TMTC2: variants seen among roughly 807,000 people sequenced by gnomAD.
TMTC2 encodes protein O-mannosyl-transferase TMTC2.
TMTC2 carries 43 observed loss-of-function variants against 82.4 expected under a neutral mutation model. The ratio of observed to expected loss-of-function variants is 0.52; its 90% CI spans 0.41 to 0.67. The LOEUF is 0.67. Among genes scored for constraint, TMTC2 ranks in the 30% least tolerant of loss-of-function variants. TMTC2 has a pLI of 0.00. For missense variants in TMTC2, 919 were observed against 1,012.4 expected (o/e 0.91, Z 1.25); for synonymous variants, 408 against 381.9 (o/e 1.07, Z -0.80).
intron 9 of TMTC2, among the ~76,000 whole-genome samples, chr12:83,048,964 C>T (rs1422440618): frequency 6.6e-6 from 1 of 152,192 alleles, no homozygotes; most frequent in African/African-American, 2.4e-5. Flanking sequence ...CCACTGCGTC[C>T]AGCCAGCTAT....
At chr12:83,043,034 C>T (rs1040363896) in intron 9 of TMTC2, among the ~76,000 whole-genome samples, 1 of 152,156 alleles carries the variant, frequency 6.6e-6, no homozygotes, top group African/African-American at 2.4e-5. Context: ...CCAGCATTTA[C>T]TAACTTAGGC....
At chr12:82,692,478 T>C (rs186932302) in intron 1 of TMTC2, among the ~76,000 whole-genome samples, 2 of 152,326 alleles carry the variant, frequency 1.3e-5, no homozygotes, top group African/African-American at 2.4e-5. Flanking sequence ...ACAACTGTCT[T>C]TCGTAGGCTA....
chr12:83,104,975 T>G (rs1884347211), intron 11 of TMTC2, among the ~76,000 whole-genome samples: 1 of 152,192 alleles, frequency 6.6e-6, no homozygotes, highest in Admixed American at 6.5e-5. Flanking sequence ...GCTTGAACAC[T>G]TTACTGCTTA....
At chr12:83,067,615 A>G (rs776740115) in intron 11 of TMTC2, among the ~76,000 whole-genome samples, 1 of 152,142 alleles carries the variant, frequency 6.6e-6, no homozygotes, top group South Asian at 2.1e-4. Flanking sequence ...TTATCTGCTA[A>G]TCCTGTGGGG....
At chr12:82,969,372 A>G (rs1381659736) in intron 7 of TMTC2, among the ~76,000 whole-genome samples, 2 of 152,052 alleles carry the variant, frequency 1.3e-5, no homozygotes, top group African/African-American at 4.8e-5. Context: ...ACCCCCAAGC[A>G]CTTGTGTATA....
Position 82,965,573 on chromosome 12 carries a change from T to C in TMTC2, c.1698T>C (p.Asn566=), listed in dbSNP as rs1250903663. The change falls in exon 6 of 12, where the codon AAT becomes AAC. Residue 566 remains asparagine (N), a synonymous_variant. Coordinates refer to ENST00000321196, the MANE Select transcript of TMTC2 (RefSeq NM_152588.3). ...TTTCCCCCTCAGCTGCATATTTAAA[T>C]ACCGGTATTATTCTAATGAACCAAG... is the stretch of plus-strand genomic sequence containing the variant. ...SRPTLASAYL[N]TGIILMNQGR... is the part of the protein sequence containing the mutation. 6.2e-7 allele frequency: 1 copy of C among 1,613,618 alleles called. No homozygotes were observed. Among genetic ancestry groups the C allele is most frequent in the East Asian group, 2.2e-5 (1 of 44,886 alleles).
intron 4 of TMTC2, among the ~76,000 whole-genome samples, chr12:82,937,789 TATATATACAC>T (rs200642749): frequency 0.013 from 285 of 22,700 alleles, 3 homozygotes; most frequent in African/African-American, 0.034. Flanking sequence ...TATATATATA[TATATATACAC>T]ACATATATAT....
chr12:82,979,344 G>A (rs571111076), intron 7 of TMTC2, among the ~76,000 whole-genome samples: 5 of 151,434 alleles, frequency 3.3e-5, no homozygotes, highest in African/African-American at 1.2e-4. Context: ...TCTTTTATAT[G>A]ATTTTAGTTT....
At chr12:82,786,567 T>G (rs1045535905) in intron 1 of TMTC2, among the ~76,000 whole-genome samples, 1 of 152,102 alleles carries the variant, frequency 6.6e-6, no homozygotes, top group Non-Finnish European at 1.5e-5. Flanking sequence ...AAATTTGGGG[T>G]AAAAAAATGA....
At chr12:82,782,643 G>A (rs750350057) in intron 1 of TMTC2, among the ~76,000 whole-genome samples, 3 of 152,178 alleles carry the variant, frequency 2.0e-5, no homozygotes, top group Non-Finnish European at 2.9e-5. Flanking sequence ...CAGAACTTCT[G>A]AGATCAGCGT....
intron 1 of TMTC2, among the ~76,000 whole-genome samples, chr12:82,775,115 G>A (rs1388603200): frequency 1.3e-5 from 2 of 151,914 alleles, no homozygotes; most frequent in Non-Finnish European, 2.9e-5. Flanking sequence ...AATTAAAGCA[G>A]GGGCTCCTTA....
chr12:83,069,689 CTTTAG>C (rs2137485459), intron 11 of TMTC2, among the ~76,000 whole-genome samples: 1 of 151,970 alleles, frequency 6.6e-6, no homozygotes, highest in African/African-American at 2.4e-5. Context: ...CAAAAAAGCT[CTTTAG>C]TTTAATTAGG....
intron 1 of TMTC2, among the ~76,000 whole-genome samples, chr12:82,839,601 T>C (rs1870228346): frequency 6.6e-6 from 1 of 152,144 alleles, no homozygotes; most frequent in South Asian, 2.1e-4. Flanking sequence ...CATAATAAAG[T>C]GTGTAATTGG....
At chr12:83,123,181 G>A (rs1057490825) in intron 11 of TMTC2, among the ~76,000 whole-genome samples, 1 of 152,210 alleles carries the variant, frequency 6.6e-6, no homozygotes, top group African/African-American at 2.4e-5. Context: ...CCACTGGGAC[G>A]AGGCAGACGT....
rs188822831 is a variant in TMTC2, at chr12:82,970,915, C to G, written c.1948+3918C>G. ...TGGTTTCATTAATAGAGTGCTTCCT[C>G]CAAATTAAGATTGTCCTATGTAGGT... On this transcript the variant is annotated intron_variant, in intron 7 of 11. Coordinates refer to ENST00000321196, the MANE Select transcript of TMTC2 (RefSeq NM_152588.3). Among the ~76,000 whole-genome samples, 125 of 152,244 alleles carry G rather than the reference C, an allele frequency of 8.2e-4. 1 individual carries two copies. Among genetic ancestry groups the G allele is most frequent in the African/African-American group, 3.0e-3 (123 of 41,552 alleles).
chr12:83,111,002 G>C lies in TMTC2; in HGVS notation c.2332-21208G>C, dbSNP rs1244700598. On this transcript the variant is annotated intron_variant, in intron 11 of 11. Transcript: ENST00000321196. ...ATCCTCCCACACCTTCCCTTCCCAT[G>C]GTCTTTCCCATTGCAATAAATGGCT... Among the ~76,000 whole-genome samples the C allele has an allele frequency of 2.0e-5, 3 of 152,114 alleles. 1 individual carries two copies. The highest frequency in any genetic ancestry group is 4.4e-5 in the Non-Finnish European group (3 of 68,026).
intron 9 of TMTC2, among the ~76,000 whole-genome samples, chr12:83,033,502 C>CA (rs1881525786): frequency 6.6e-6 from 1 of 152,158 alleles, no homozygotes; most frequent in Non-Finnish European, 1.5e-5. Flanking sequence ...CCTGCAATCC[C>CA]AGCACTTTGG....
intron 11 of TMTC2, among the ~76,000 whole-genome samples, chr12:83,118,524 C>T (rs1278726969): frequency 6.6e-6 from 1 of 152,148 alleles, no homozygotes; most frequent in East Asian, 1.9e-4. Context: ...ATGAAACCGA[C>T]TTGATCATAG....
At chr12:82,708,609 CCT>C (rs1873483103) in intron 1 of TMTC2, among the ~76,000 whole-genome samples, 1 of 152,176 alleles carries the variant, frequency 6.6e-6, no homozygotes, top group Admixed American at 6.5e-5. Context: ...CCCATCAGCC[CCT>C]GTCACGTGGT....
Sources: gnomAD v4.1 joint callset for allele counts (sites outside exome capture counted in the v4.1 genomes callset) on GRCh38, gnomAD v4.1.1 for gene constraint, MANE v1.5 for transcripts, NCBI Gene and HGNC (gene_info 2026-07-23, HGNC 2026-07-21) for gene names.